The following CYTH1 variants were observed in gnomAD, a reference collection of about 807,000 sequenced individuals.
CYTH1 encodes cytohesin-1.
In CYTH1, 18 loss-of-function variants were observed where a neutral mutation model predicts 61.8. The ratio of observed to expected loss-of-function variants is 0.29; its 90% CI spans 0.20 to 0.43. CYTH1 has a LOEUF of 0.43. Ranked by LOEUF, CYTH1 falls within the 20% of genes least tolerant of loss-of-function variation. CYTH1 has a pLI of 1.00. For synonymous variants in CYTH1, 174 were observed against 184.3 expected (o/e 0.94, Z 0.45); for missense variants, 336 against 510.5 (o/e 0.66, Z 3.29).
chr17:78,748,728 T>C (rs181674900), intron 1 of CYTH1, among the ~76,000 whole-genome samples: 197 of 152,202 alleles, frequency 1.3e-3, no homozygotes, highest in Middle Eastern at 0.01. Flanking sequence ...TAAAAACGGG[T>C]GGGCGGGAGG....
chr17:78,780,467 G>A (rs1216995522), intron 1 of CYTH1, among the ~76,000 whole-genome samples: 1 of 152,228 alleles, frequency 6.6e-6, no homozygotes, highest in East Asian at 1.9e-4. Flanking sequence ...AGTGAGCTAT[G>A]AGAGCGCCCC....
intron 9 of CYTH1, among the ~76,000 whole-genome samples, chr17:78,697,027 C>T (rs763845829): frequency 3.3e-5 from 5 of 152,042 alleles, no homozygotes; most frequent in African/African-American, 4.8e-5. Flanking sequence ...TAAAACTGAT[C>T]GGTGAAGTGG....
At chr17:78,680,098 G>A (rs1567821676) in intron 13 of CYTH1, 92 bp downstream of exon 13, 1 of 1,500,538 alleles carries the variant, frequency 6.7e-7, no homozygotes, top group Non-Finnish European at 9.0e-7. Context: ...CAGAAGAGAT[G>A]CGGGCGGCAT....
intron 1 of CYTH1, among the ~76,000 whole-genome samples, chr17:78,737,874 T>TACAC (rs10660165): frequency 0.029 from 4,292 of 150,030 alleles, 99 homozygotes; most frequent in African/African-American, 0.066. Context: ...CTTCTATAGA[T>TACAC]ACACACACAC....
intron 10 of CYTH1, 64 bp from the exon 11 acceptor site, chr17:78,692,557 A>T (rs1379294516): frequency 2.2e-5 from 32 of 1,470,618 alleles, no homozygotes; most frequent in Non-Finnish European, 2.9e-5. Flanking sequence ...GCTCCACGAC[A>T]CACACGACAC....
intron 3 of CYTH1, among the ~76,000 whole-genome samples, chr17:78,703,407 T>C (rs552094501): frequency 4.2e-5 from 4 of 94,134 alleles, no homozygotes; most frequent in Admixed American, 4.1e-4. Context: ...TGAGACTCCG[T>C]CTCCAAAAAA....
At chr17:78,699,224 C>T (rs1005106081) in intron 7 of CYTH1, among the ~76,000 whole-genome samples, 1 of 152,006 alleles carries the variant, frequency 6.6e-6, no homozygotes, top group Non-Finnish European at 1.5e-5. Context: ...ATTAGCCAGG[C>T]GTGGCTGCAC....
intron 1 of CYTH1, among the ~76,000 whole-genome samples, chr17:78,746,558 T>G (rs1483175244): frequency 1.3e-5 from 2 of 152,200 alleles, no homozygotes; most frequent in African/African-American, 2.4e-5. Context: ...GAGATTCTCT[T>G]ACTTTCCATC....
At chr17:78,766,871 G>A (rs953157668) in intron 1 of CYTH1, among the ~76,000 whole-genome samples, 6 of 152,184 alleles carry the variant, frequency 3.9e-5, no homozygotes, top group Non-Finnish European at 8.8e-5. Context: ...TTCAAAGCAT[G>A]GCCTGTGCAT....
intron 1 of CYTH1, among the ~76,000 whole-genome samples, chr17:78,750,476 T>C (rs886152142): frequency 1.3e-5 from 2 of 152,148 alleles, no homozygotes; most frequent in Admixed American, 6.6e-5. Flanking sequence ...GGCTAAGCTA[T>C]AGCTGATTCT....
intron 1 of CYTH1, among the ~76,000 whole-genome samples, chr17:78,780,142 G>A (rs185800981): frequency 3.2e-4 from 48 of 152,366 alleles, no homozygotes; most frequent in African/African-American, 9.1e-4. Flanking sequence ...AACTGCTGTC[G>A]GCTTCTCAGC....
intron 10 of CYTH1, 120 bp downstream of exon 10, chr17:78,695,887 C>T: frequency 7.7e-7 from 1 of 1,302,448 alleles, no homozygotes; most frequent in Admixed American, 2.3e-5. Context: ...AAGTTAGAAG[C>T]AGCATTAACA....
At chr17:78,720,676 A>G (rs1598879976) in intron 1 of CYTH1, among the ~76,000 whole-genome samples, 1 of 152,092 alleles carries the variant, frequency 6.6e-6, no homozygotes, top group Non-Finnish European at 1.5e-5. Flanking sequence ...GGAGTTTGAG[A>G]CCAGCCTGGG....
intron 7 of CYTH1, among the ~76,000 whole-genome samples, chr17:78,699,983 G>T (rs2092991360): frequency 6.6e-6 from 1 of 152,092 alleles, no homozygotes; most frequent in South Asian, 2.1e-4. Context: ...TGGAGAAAGG[G>T]TCTCATAATG....
chr17:78,696,501 A>G (rs745367263), intron 9 of CYTH1, among the ~76,000 whole-genome samples: 26 of 151,310 alleles, frequency 1.7e-4, no homozygotes, highest in Non-Finnish European at 2.9e-4. Context: ...CTATATGCAT[A>G]CACAGACATA....
chr17:78,727,731 G>C (rs768800243), intron 1 of CYTH1: 2 of 471,120 alleles, frequency 4.2e-6, no homozygotes, highest in Non-Finnish European at 8.8e-6. Context: ...TGCCAACTCA[G>C]TGTGTTAGGA....
chr17:78,731,662 G>A (rs1344529716), intron 1 of CYTH1, among the ~76,000 whole-genome samples: 2 of 150,966 alleles, frequency 1.3e-5, no homozygotes, highest in Non-Finnish European at 2.9e-5. Flanking sequence ...GGAGGCTGAG[G>A]CAGGAGAATG....
At chr17:78,757,821 G>A (rs1268667608) in intron 1 of CYTH1, among the ~76,000 whole-genome samples, 1 of 151,530 alleles carries the variant, frequency 6.6e-6, no homozygotes, top group African/African-American at 2.4e-5. Context: ...CTGAGGCAGG[G>A]GAATTGCTTG....
At chr17:78,782,039 G>A (rs1206842676) in intron 1 of CYTH1, among the ~76,000 whole-genome samples, 163 bp downstream of exon 1, 1 of 145,822 alleles carries the variant, frequency 6.9e-6, no homozygotes, top group African/African-American at 2.5e-5. Flanking sequence ...CCCCCGCCCC[G>A]CGAGGGCCCC....
Sources: gnomAD v4.1 joint callset for allele counts (sites outside exome capture counted in the v4.1 genomes callset) on GRCh38, gnomAD v4.1.1 for gene constraint, MANE v1.5 for transcripts, NCBI Gene and HGNC (gene_info 2026-07-23, HGNC 2026-07-21) for gene names.